Variants in UBAP1L observed in about 807,000 individuals in gnomAD.
The protein encoded by UBAP1L is ubiquitin-associated protein 1-like.
UBAP1L carries 32 observed loss-of-function variants against 32.1 expected under a neutral mutation model. The ratio of observed to expected loss-of-function variants is 1.00; its 90% CI spans 0.75 to 1.34. UBAP1L has a LOEUF of 1.34. UBAP1L is among the 40% of genes most tolerant of loss of function. UBAP1L has a pLI of 0.00. For missense variants in UBAP1L, 516 were observed against 540.5 expected, an observed-to-expected ratio of 0.95 and a Z score of 0.45; for synonymous variants, 243 against 250.2, an observed-to-expected ratio of 0.97 and a Z score of 0.27.
At chr15:65,093,615 T>C (rs1219920227) in intron 5 of UBAP1L, among the ~76,000 whole-genome samples, 1 of 152,178 alleles carries the variant, frequency 6.6e-6, no homozygotes, top group Non-Finnish European at 1.5e-5. Context: ...CAGCGCAGCC[T>C]GCACTTTCCT....
intron 2 of UBAP1L, among the ~76,000 whole-genome samples, chr15:65,103,293 G>A (rs1343671482): frequency 6.6e-6 from 1 of 152,204 alleles, no homozygotes; most frequent in Admixed American, 6.5e-5. Context: ...GATTGGCAGT[G>A]AGTGGCTGAG....
chr15:65,101,998 C>T, intron 3 of UBAP1L, 108 bp downstream of exon 3: 1 of 403,628 alleles, frequency 2.5e-6, no homozygotes. Flanking sequence ...AGGGAGGATG[C>T]AGGAGCGCGT....
rs2087215973 is a variant in UBAP1L at position 65,099,565 on chromosome 15, T to C, written c.849A>G (p.Gly283=). 6.4e-7 allele frequency: 1 copy of C among 1,551,486 alleles called. No individual in the cohort carries two copies. The highest frequency in any genetic ancestry group is 2.4e-5 in the East Asian group (1 of 40,918). ...QDLIGPVVAL[G]YPLRRAIIAL... is the part of the protein sequence containing the mutation. Reference sequence around the variant, plus strand: ...CTATGATGGCCCTTCGCAGGGGATATCCCAGGGCGACCACTGGCCCAATGA... The same window carrying C: ...CTATGATGGCCCTTCGCAGGGGATACCCCAGGGCGACCACTGGCCCAATGA... Residue 283 remains glycine (G), a synonymous_variant, in exon 4 of 6, where the codon GGA becomes GGG. Coordinates refer to ENST00000559089, the MANE Select transcript of UBAP1L (RefSeq NM_001163692.2).
intron 1 of UBAP1L, among the ~76,000 whole-genome samples, chr15:65,111,280 G>A (rs2087367859): frequency 6.6e-6 from 1 of 152,166 alleles, no homozygotes; most frequent in Non-Finnish European, 1.5e-5. Flanking sequence ...GGCATTCTCA[G>A]ATTTATTATT....
chr15:65,107,966 T>A (rs527507341), intron 1 of UBAP1L, among the ~76,000 whole-genome samples: 1 of 152,002 alleles, frequency 6.6e-6, no homozygotes, highest in African/African-American at 2.4e-5. Context: ...CAAAATTCCA[T>A]CACTTTTTTT....
At chr15:65,101,558 C>T (rs1169558342) in intron 3 of UBAP1L, 1 of 152,368 alleles carries the variant, frequency 6.6e-6, no homozygotes, top group Non-Finnish European at 1.5e-5. Context: ...GCCAACTCTT[C>T]ATGTCCTGTG....
Position 65,094,806 on chromosome 15 carries a change from G to A in UBAP1L, c.910-230C>T. ...GTCTTCACCAACTATGCCAAGCTGGGGGCTGGACTCCAGGAAAAGGGCTGT... is the reference window on the plus strand; with the variant it reads ...GTCTTCACCAACTATGCCAAGCTGGAGGCTGGACTCCAGGAAAAGGGCTGT... On this transcript the variant is annotated intron_variant, in intron 4 of 5. Coordinates refer to ENST00000559089, the MANE Select transcript of UBAP1L (RefSeq NM_001163692.2). The surrounding 1 kb of genome is among the most constrained non-coding windows in gnomAD (Gnocchi z 4.2). The A allele has an allele frequency of 1.8e-6, 1 of 568,302 alleles. No homozygotes were observed. Among genetic ancestry groups the A allele is most frequent in the Non-Finnish European group, 3.2e-6 (1 of 315,924 alleles). The allele number at this position is 568,302 out of a possible 1,614,324, so 35.2% of individuals were successfully genotyped here. A position where few individuals can be genotyped will look rare whatever the true frequency, so the allele number is the denominator to read the frequency against.
intron 4 of UBAP1L, chr15:65,096,068 G>A (rs1187355359): frequency 6.6e-6 from 1 of 152,144 alleles, no homozygotes; most frequent in Admixed American, 6.5e-5. Flanking sequence ...CCATCAGAGG[G>A]ATCAGCTGCT....
At chr15:65,097,401 G>A (rs189122439) in intron 4 of UBAP1L, 86 of 152,376 alleles carry the variant, frequency 5.6e-4, no homozygotes, top group African/African-American at 2.1e-3. Flanking sequence ...CGTGACTTTA[G>A]ATCTGCTCTT....
chr15:65,109,783 A>C (rs1037946368), intron 1 of UBAP1L, among the ~76,000 whole-genome samples: 1 of 152,188 alleles, frequency 6.6e-6, no homozygotes, highest in Non-Finnish European at 1.5e-5. Context: ...CAAACATACA[A>C]CCATTAATTT....
intron 3 of UBAP1L, 78 bp from the exon 4 acceptor site, chr15:65,099,792 CT>C: frequency 8.1e-7 from 1 of 1,235,670 alleles, no homozygotes; most frequent in Non-Finnish European, 1.1e-6. Flanking sequence ...TTAAAAATGC[CT>C]TTATGTACCA....
In UBAP1L at chr15:65,094,467, C is replaced by G; in HGVS notation, c.1011+8G>C. The G allele has an allele frequency of 6.5e-7, 1 of 1,547,408 alleles. No homozygotes were observed. The highest frequency in any genetic ancestry group is 8.7e-7 in the Non-Finnish European group (1 of 1,144,578). On this transcript the variant is annotated splice_region_variant and intron_variant, in intron 5 of 5. Transcript: ENST00000559089. The surrounding 1 kb of genome is among the most constrained non-coding windows in gnomAD (Gnocchi z 4.2). Reference sequence around the variant, plus strand: ...TCCCCTGGGGCCCTGGCAGGAAGCCCTGCTGACCTGGCTCTCGGAGAACTG... The same window carrying G: ...TCCCCTGGGGCCCTGGCAGGAAGCCGTGCTGACCTGGCTCTCGGAGAACTG...
chr15:65,110,750 A>G (rs112904959), intron 1 of UBAP1L, among the ~76,000 whole-genome samples: 505 of 152,126 alleles, frequency 3.3e-3, no homozygotes, highest in Non-Finnish European at 5.2e-3. Flanking sequence ...ATTTAAGCTC[A>G]CGACTGCCTA....
rs573549426 is a variant in UBAP1L at position 65,102,763 on chromosome 15, C to T, written c.121-79G>A. 7 of 1,325,048 alleles carry T rather than the reference C, an allele frequency of 5.3e-6. No individual in the cohort carries two copies. In the South Asian group the frequency reaches 6.8e-5, roughly 13 times the overall value. 82.1% of individuals were successfully genotyped at this position (1,325,048 alleles called of 1,614,324 possible). On this transcript the variant is annotated intron_variant, in intron 2 of 5. Transcript: ENST00000559089. The surrounding 1 kb of genome is among the most constrained non-coding windows in gnomAD (Gnocchi z 5.0). ...AACACTAACCCCTGGCCTGGGGGAC[C>T]CTGTTCAGCCAGAGACTCTCTAAGC... is the stretch of plus-strand genomic sequence containing the variant.
In UBAP1L at chr15:65,093,092, C is replaced by T. The variant is rs763479587; in HGVS notation, c.*5G>A. On this transcript the variant is annotated 3_prime_UTR_variant, in exon 6 of 6. Coordinates refer to ENST00000559089, the MANE Select transcript of UBAP1L (RefSeq NM_001163692.2). ...ATGCCCAGGCATCGTGGAGTGCCTC[C>T]GTGGTCACTGGGCACAGGCCACCAG... The T allele has an allele frequency of 5.8e-6, 9 of 1,546,008 alleles. No individual in the cohort carries two copies. In the Admixed American group the frequency reaches 6.0e-5, roughly 10 times the overall value.
At chr15:65,109,526 C>A (rs2087354493) in intron 1 of UBAP1L, among the ~76,000 whole-genome samples, 1 of 145,362 alleles carries the variant, frequency 6.9e-6, no homozygotes, top group African/African-American at 2.5e-5. Context: ...TCAGAATATA[C>A]CATTAAGAGA....
intron 1 of UBAP1L, among the ~76,000 whole-genome samples, chr15:65,108,773 A>AAATT (rs1375957479): frequency 1.3e-5 from 2 of 150,920 alleles, no homozygotes; most frequent in Non-Finnish European, 3.0e-5. Flanking sequence ...ATAAATAAAT[A>AAATT]AATAAATTAA....
chr15:65,110,394 T>C (rs1468905596), intron 1 of UBAP1L, among the ~76,000 whole-genome samples: 3 of 147,674 alleles, frequency 2.0e-5, no homozygotes, highest in Admixed American at 1.4e-4. Flanking sequence ...CAAAAAAAAC[T>C]TGGCCGGGCG....
At chr15:65,100,259 A>T (rs531384529) in intron 3 of UBAP1L, 1 of 152,318 alleles carries the variant, frequency 6.6e-6, no homozygotes, top group Non-Finnish European at 1.5e-5. Flanking sequence ...AAAAAAACAA[A>T]ACAAAAAACA....
Sources: gnomAD v4.1 joint callset for allele counts (sites outside exome capture counted in the v4.1 genomes callset) on GRCh38, gnomAD v4.1.1 for gene constraint, Gnocchi (gnomAD v3.1) non-coding constraint, MANE v1.5 for transcripts, NCBI Gene and HGNC (gene_info 2026-07-23, HGNC 2026-07-21) for gene names.